Variants in ARMC6 observed in about 807,000 individuals in gnomAD.
ARMC6 encodes armadillo repeat containing 6.
In ARMC6, 43 loss-of-function variants were observed where a neutral mutation model predicts 49.2. That is an observed-to-expected ratio of 0.87 (90% CI 0.69 to 1.13). ARMC6 has a LOEUF of 1.13. Ranked by LOEUF, ARMC6 falls within the 50% of genes most tolerant of loss-of-function variation. ARMC6 has a pLI of 0.00. For synonymous variants in ARMC6, 262 were observed against 289.6 expected (o/e 0.90, Z 0.97); for missense variants, 627 against 682.0 (o/e 0.92, Z 0.90).
At chr19:19,054,076 C>T in intron 5 of ARMC6, 76 bp from the exon 6 acceptor site, 1 of 1,385,422 alleles carries the variant, frequency 7.2e-7, no homozygotes, top group South Asian at 1.5e-5. Context: ...TCCAGTGGAG[C>T]AGGATCTCCA....
In ARMC6 at chr19:19,051,661, C is replaced by G. The variant is rs777026875; in HGVS notation, c.319C>G (p.Pro107Ala). The change falls in exon 5 of 9, where the codon CCC becomes GCC. Residue 107 changes from proline to alanine, a missense_variant. Pro to Ala is a conservative substitution (Grantham distance 27, BLOSUM62 -1). Coordinates refer to ENST00000535612, the MANE Select transcript of ARMC6 (RefSeq NM_001199196.2). ...DLQESVASSR[P>A]QEVSAYLTRF... ...CCAGGAGTCTGTGGCCAGCTCTCGCCCCCAGGAGGTGTCAGCATACCTCAC... is the reference window on the plus strand; with the variant it reads ...CCAGGAGTCTGTGGCCAGCTCTCGCGCCCAGGAGGTGTCAGCATACCTCAC... 1.2e-6 allele frequency: 2 copies of G among 1,611,748 alleles called. No individual in the cohort carries two copies. The highest frequency in any genetic ancestry group is 1.7e-6 in the Non-Finnish European group (2 of 1,178,850).
chr19:19,057,340 T>C (rs2059552846), intron 8 of ARMC6, 76 bp from the exon 9 acceptor site: 9 of 1,265,110 alleles, frequency 7.1e-6, no homozygotes, highest in South Asian at 6.7e-5. Flanking sequence ...CATCTTGTTA[T>C]GATGAAGACC....
At chr19:19,040,351 G>A (rs185587455) in intron 2 of ARMC6, among the ~76,000 whole-genome samples, 7 of 152,166 alleles carry the variant, frequency 4.6e-5, no homozygotes, top group Admixed American at 2.0e-4. Context: ...AGCTGGAATC[G>A]GAAGCAGAAC....
rs2059531771 is a variant in ARMC6 at position 19,055,030 on chromosome 19, T to A, written c.1024-235T>A. On this transcript the variant is annotated intron_variant, in intron 6 of 8. Coordinates refer to ENST00000535612, the MANE Select transcript of ARMC6 (RefSeq NM_001199196.2). This position sits in a 1 kb window ranked among gnomAD's most constrained non-coding sequence, Gnocchi z 5.7. ...GGACCCTGTGCTCTGAAGGCCGGCC[T>A]GAGTCACATGCCCCCGCTGCCCCTG... Among the ~76,000 whole-genome samples the A allele has an allele frequency of 6.6e-6, 1 of 152,200 alleles. No individual in the cohort carries two copies. The highest frequency in any genetic ancestry group is 1.5e-5 in the Non-Finnish European group (1 of 68,032).
At chr19:19,045,893 C>G (rs1367021621) in intron 4 of ARMC6, among the ~76,000 whole-genome samples, 1 of 152,098 alleles carries the variant, frequency 6.6e-6, no homozygotes, top group Non-Finnish European at 1.5e-5. Context: ...CCTCGTGATC[C>G]GTCTGCCTCG....
chr19:19,040,788 C>T (rs1335152249), intron 2 of ARMC6: 1 of 443,278 alleles, frequency 2.3e-6, no homozygotes, highest in Non-Finnish European at 4.5e-6. Flanking sequence ...GCTGGGATTA[C>T]AGACGTGAGC....
intron 2 of ARMC6, among the ~76,000 whole-genome samples, chr19:19,039,702 A>G (rs916177731): frequency 6.6e-6 from 1 of 152,146 alleles, no homozygotes. Context: ...GTCTATCTCC[A>G]TTGTAGCATG....
Position 19,051,762 on chromosome 19 carries a change from C to G in ARMC6, c.420C>G (p.Ile140Met), listed in dbSNP as rs1157259732. Residue 140 changes from isoleucine to methionine, a missense_variant, in exon 5 of 9, where the codon ATC becomes ATG. Transcript: ENST00000535612. ...LAAQKGAYPI[I>M]FTAWKLATAG... ...CCCAGAAGGGGGCCTACCCCATCAT[C>G]TTCACTGCCTGGAAGCTGGCCACTG... The G allele has an allele frequency of 5.6e-6, 9 of 1,613,960 alleles. No homozygotes were observed. The highest frequency in any genetic ancestry group is 7.6e-6 in the Non-Finnish European group (9 of 1,180,046).
intron 2 of ARMC6, chr19:19,040,670 C>G: frequency 3.6e-6 from 1 of 277,710 alleles, no homozygotes; most frequent in Non-Finnish European, 7.3e-6. Context: ...TTTTTTTTTG[C>G]AACATCGTCT....
chr19:19,033,798 C>A lies in ARMC6; in HGVS notation c.-212C>A. 1 of 249,730 alleles carries A rather than the reference C, an allele frequency of 4.0e-6. No individual in the cohort carries two copies. Among genetic ancestry groups the A allele is most frequent in the Middle Eastern group, 1.2e-3 (1 of 862 alleles). 15.5% of individuals were successfully genotyped at this position (249,730 alleles called of 1,614,324 possible). ...GTCGTCCTTGGTTATCGTGAGCGTCCGCGAGTCTCTGGGAGGCCAAGCCTA... is the reference window on the plus strand; with the variant it reads ...GTCGTCCTTGGTTATCGTGAGCGTCAGCGAGTCTCTGGGAGGCCAAGCCTA... On this transcript the variant is annotated 5_prime_UTR_variant, in exon 1 of 9. Coordinates refer to ENST00000535612, the MANE Select transcript of ARMC6 (RefSeq NM_001199196.2).
chr19:19,057,289 A>G (rs2059552614), intron 8 of ARMC6, 127 bp from the exon 9 acceptor site: 2 of 752,202 alleles, frequency 2.7e-6, no homozygotes, highest in Non-Finnish European at 4.4e-6. Flanking sequence ...TTGATACAGT[A>G]TAGGCAGCTG....
At chr19:19,042,914 C>G (rs377429863) in intron 3 of ARMC6, 37 bp downstream of exon 3, 147 of 1,610,000 alleles carry the variant, frequency 9.1e-5, no homozygotes, top group Non-Finnish European at 1.2e-4. Context: ...ATCCTTGGCT[C>G]TTAGATGCAA....
chr19:19,052,153 C>T lies in ARMC6; in HGVS notation c.811C>T (p.Gln271Ter), dbSNP rs1189319090. Reference sequence around the variant, plus strand: ...CCACAACCATGCCAAGATGATTGTGCAGGAGAACAAAGGCTTGAAGGTGCT... The same window carrying T: ...CCACAACCATGCCAAGATGATTGTGTAGGAGAACAAAGGCTTGAAGGTGCT... ...HAHNHAKMIV[Q>*]ENKGLKVLIE... Residue 271 changes from glutamine (Q) to a stop codon, truncating the protein, a stop_gained, in exon 5 of 9, where the codon CAG (glutamine) becomes TAG (stop). Transcript: ENST00000535612. LOFTEE classifies it high-confidence loss of function. The T allele has an allele frequency of 1.9e-6, 3 of 1,612,584 alleles. No individual in the cohort carries two copies. Among genetic ancestry groups the T allele is most frequent in the Non-Finnish European group, 2.5e-6 (3 of 1,179,364 alleles).
chr19:19,034,073 A>T (rs2059310847), intron 1 of ARMC6, 58 bp from the exon 2 acceptor site: 1 of 660,844 alleles, frequency 1.5e-6, no homozygotes. Flanking sequence ...CCTGGGGACA[A>T]AATCCTCGGC....
At chr19:19,047,288 C>T (rs564548903) in intron 4 of ARMC6, among the ~76,000 whole-genome samples, 1 of 152,144 alleles carries the variant, frequency 6.6e-6, no homozygotes, top group Non-Finnish European at 1.5e-5. Flanking sequence ...AACCAACCCC[C>T]TTCTCAAATG....
At position 19,054,149 on chromosome 19, in the gene ARMC6, C is replaced by G. The variant is rs763496559; in HGVS notation, c.854-3C>G. 4.2e-5 allele frequency: 65 copies of G among 1,558,232 alleles called. No homozygotes were observed. Among genetic ancestry groups the G allele is most frequent in the Non-Finnish European group, 5.6e-5 (65 of 1,151,336 alleles). The stretch of plus-strand genomic sequence containing the variant: ...CCACCACCGTCTCCCTTTCTCCCTG[C>G]AGCGTTCCTGGATAACCCTGGCATC... On this transcript the variant is annotated splice_region_variant and splice_polypyrimidine_tract_variant and intron_variant, in intron 5 of 8. Coordinates refer to ENST00000535612, the MANE Select transcript of ARMC6 (RefSeq NM_001199196.2).
intron 4 of ARMC6, among the ~76,000 whole-genome samples, chr19:19,048,428 C>T (rs868186553): frequency 3.0e-4 from 46 of 151,442 alleles, no homozygotes; most frequent in African/African-American, 1.1e-3. Flanking sequence ...GAGGCTAAGG[C>T]GGGAGAATCA....
intron 6 of ARMC6, among the ~76,000 whole-genome samples, chr19:19,054,780 C>T (rs1242827541): frequency 6.6e-6 from 1 of 152,196 alleles, no homozygotes; most frequent in Non-Finnish European, 1.5e-5. Context: ...GCCCCCAAGC[C>T]CAGCTGTTGA....
At chr19:19,050,032 A>AT (rs1380837678) in intron 4 of ARMC6, among the ~76,000 whole-genome samples, 1 of 151,886 alleles carries the variant, frequency 6.6e-6, no homozygotes, top group East Asian at 1.9e-4. Context: ...TAAAAAAAAA[A>AT]ATTTTTTTTA....
Sources: gnomAD v4.1 joint callset for allele counts (sites outside exome capture counted in the v4.1 genomes callset) on GRCh38, gnomAD v4.1.1 for gene constraint, Gnocchi (gnomAD v3.1) non-coding constraint, MANE v1.5 for transcripts, NCBI Gene and HGNC (gene_info 2026-07-23, HGNC 2026-07-21) for gene names.